Variants in PDE4D observed in about 807,000 individuals in gnomAD.
PDE4D encodes the protein 3',5'-cyclic-AMP phosphodiesterase 4D.
A neutral mutation model predicts 87.4 loss-of-function variants in PDE4D; 24 were observed. The ratio of observed to expected loss-of-function variants is 0.27; its 90% confidence interval spans 0.20 to 0.39. The LOEUF (loss-of-function observed/expected upper bound fraction) is 0.39. PDE4D is among the 10% of genes least tolerant of loss of function. The pLI is 1.00. For synonymous variants in PDE4D, 384 were observed against 383.2 expected (o/e 1.00, Z -0.02); for missense variants, 714 against 1,041.0 (o/e 0.69, Z 4.32).
chr5:60,079,836 T>C lies in PDE4D; in HGVS notation c.43-91119A>G, dbSNP rs1399831498. Among the ~76,000 whole-genome samples the C allele has an allele frequency of 2.0e-5, 3 of 152,360 alleles. No homozygotes were observed. The East Asian group carries it at 5.8e-4, about 29-fold the overall frequency. On this transcript the variant is annotated intron_variant, in intron 2 of 16. Transcript: ENST00000502484. ...CTGCCTCCAGCTTTGCTTTTTTTGCTTGGGATTGTTTTGGCCATCCAAAGT... is the reference window on the plus strand; with the variant it reads ...CTGCCTCCAGCTTTGCTTTTTTTGCCTGGGATTGTTTTGGCCATCCAAAGT...
At chr5:59,143,617 TA>T (rs1561560677) in intron 5 of PDE4D, among the ~76,000 whole-genome samples, 3 of 152,198 alleles carry the variant, frequency 2.0e-5, no homozygotes, top group African/African-American at 7.2e-5. Flanking sequence ...ACTCAATAAA[TA>T]TTATAATTAA....
In PDE4D at chr5:60,077,310, A is replaced by G. The variant is rs111406298; in HGVS notation, c.43-88593T>C. Among the ~76,000 whole-genome samples, 929 of 152,268 alleles carry G rather than the reference A, an allele frequency of 6.1e-3. 8 individuals carry two copies. The highest frequency in any genetic ancestry group is 0.021 in the African/African-American group (876 of 41,548). ...AAGGAAGGCAAAGTCTGCCCATGCA[A>G]ATACATGGTGGCAAAGCAATGTGGG... On this transcript the variant is annotated intron_variant, in intron 2 of 16. Transcript: ENST00000502484.
intron 1 of PDE4D, among the ~76,000 whole-genome samples, chr5:59,882,453 C>T (rs893572452): frequency 6.6e-6 from 1 of 152,136 alleles, no homozygotes; most frequent in Admixed American, 6.5e-5. Context: ...AGCACACCTG[C>T]ATACTAGGTA....
At chr5:59,744,345 A>C (rs531339739) in intron 1 of PDE4D, among the ~76,000 whole-genome samples, 12 of 152,296 alleles carry the variant, frequency 7.9e-5, no homozygotes, top group African/African-American at 2.9e-4. Flanking sequence ...ACTACAACAG[A>C]AGACACATCA....
chr5:58,974,785 G>A lies in PDE4D; in HGVS notation c.2309C>T (p.Thr770Ile), dbSNP rs1743299064. 3 of 1,613,528 alleles carry A rather than the reference G, an allele frequency of 1.9e-6. No homozygotes were observed. Among genetic ancestry groups the A allele is most frequent in the Non-Finnish European group, 2.5e-6 (3 of 1,179,622 alleles). ...TSCSDSKTLC[T>I]QDSESTEIPL... ...AATTTCAGTAGACTCTGAGTCTTGA[G>A]TACAAAGAGTCTTGGAGTCACTGCA... The change falls in exon 15 of 15, where the codon ACT (threonine) becomes ATT (isoleucine). Residue 770 changes from threonine to isoleucine, a missense_variant. Transcript: ENST00000340635.
intron 2 of PDE4D, among the ~76,000 whole-genome samples, chr5:60,161,890 C>A (rs1221710219): frequency 2.6e-5 from 4 of 152,078 alleles, no homozygotes; most frequent in African/African-American, 9.7e-5. Context: ...AACTGAGATG[C>A]AATGAGGTAA....
chr5:59,609,377 T>TACACACACATACACAC (rs1828674813), intron 1 of PDE4D, among the ~76,000 whole-genome samples: 1 of 147,584 alleles, frequency 6.8e-6, no homozygotes, highest in Non-Finnish European at 1.5e-5. Context: ...TTTGTATATG[T>TACACACACATACACAC]ACACACACAC....
chr5:59,914,571 CGTGTGTGT>C (rs35285881), intron 3 of PDE4D, among the ~76,000 whole-genome samples: 2 of 130,708 alleles, frequency 1.5e-5, no homozygotes. Context: ...TGTGCATGTG[CGTGTGTGT>C]GTGTGTGTGT....
intron 1 of PDE4D, among the ~76,000 whole-genome samples, chr5:59,571,615 G>T (rs920101883): frequency 3.3e-5 from 5 of 152,224 alleles, no homozygotes; most frequent in East Asian, 3.9e-4. Flanking sequence ...TTTTACTCAT[G>T]GCCAGGTCAA....
intron 1 of PDE4D, among the ~76,000 whole-genome samples, chr5:59,458,982 A>G (rs1297148671): frequency 2.0e-5 from 3 of 152,224 alleles, no homozygotes; most frequent in Non-Finnish European, 2.9e-5. Context: ...TATTTATCTT[A>G]GTATAAATAA....
At chr5:59,066,246 G>C (rs1467325541) in intron 5 of PDE4D, among the ~76,000 whole-genome samples, 1 of 152,020 alleles carries the variant, frequency 6.6e-6, no homozygotes, top group South Asian at 2.1e-4. Context: ...GTGTGATAAG[G>C]GCTCCAAAAG....
chr5:59,726,800 T>C (rs1756660514), intron 1 of PDE4D, among the ~76,000 whole-genome samples: 1 of 152,112 alleles, frequency 6.6e-6, no homozygotes, highest in African/African-American at 2.4e-5. Flanking sequence ...TTCTTATTCA[T>C]AAACACACAT....
intron 1 of PDE4D, among the ~76,000 whole-genome samples, chr5:60,377,922 CT>C (rs1761553178): frequency 6.6e-6 from 1 of 152,206 alleles, no homozygotes; most frequent in Non-Finnish European, 1.5e-5. Context: ...TAGGTCTTTT[CT>C]ACACATAGTA....
At chr5:58,985,588 C>T (rs1402444661) in intron 11 of PDE4D, among the ~76,000 whole-genome samples, 2 of 152,088 alleles carry the variant, frequency 1.3e-5, no homozygotes, top group Admixed American at 1.3e-4. Flanking sequence ...AGACAAGTAA[C>T]CAACTATGGG....
chr5:60,509,015 T>C (rs1015015389), intron 1 of PDE4D, among the ~76,000 whole-genome samples: 4 of 152,108 alleles, frequency 2.6e-5, no homozygotes, highest in African/African-American at 9.7e-5. Flanking sequence ...TTCTCATGCC[T>C]CAGCCTCCCG....
intron 1 of PDE4D, among the ~76,000 whole-genome samples, chr5:59,219,410 C>T (rs557520213): frequency 2.5e-4 from 38 of 151,964 alleles, no homozygotes; most frequent in African/African-American, 9.2e-4. Flanking sequence ...AATTTATTTC[C>T]ATGATATTAA....
intron 1 of PDE4D, among the ~76,000 whole-genome samples, chr5:60,273,473 C>G (rs1751027748): frequency 6.6e-6 from 1 of 152,088 alleles, no homozygotes; most frequent in Non-Finnish European, 1.5e-5. Flanking sequence ...CAATGGAGAG[C>G]TACTAAAGAG....
At chr5:59,975,350 A>C (rs1761213083) in intron 3 of PDE4D, among the ~76,000 whole-genome samples, 1 of 152,128 alleles carries the variant, frequency 6.6e-6, no homozygotes, top group Non-Finnish European at 1.5e-5. Flanking sequence ...CATACCTTAA[A>C]TTACCTCTAG....
At chr5:60,426,069 C>T (rs746716747) in intron 1 of PDE4D, among the ~76,000 whole-genome samples, 1 of 152,160 alleles carries the variant, frequency 6.6e-6, no homozygotes, top group African/African-American at 2.4e-5. Context: ...AATAGGAATG[C>T]CTTTACACTT....
Sources: allele counts gnomAD v4.1 joint callset (sites outside exome capture counted in the v4.1 genomes callset), GRCh38; gene constraint gnomAD v4.1.1; transcripts MANE v1.5; gene names NCBI Gene and HGNC (gene_info 2026-07-23, HGNC 2026-07-21).